Variants in ABCA12 observed in about 807,000 individuals in gnomAD.
The protein encoded by ABCA12 is glucosylceramide transporter ABCA12.
A neutral mutation model predicts 293.5 loss-of-function variants in ABCA12; 156 were observed. The ratio of observed to expected loss-of-function variants is 0.53; its 90% CI spans 0.47 to 0.61. The LOEUF (loss-of-function observed/expected upper bound fraction) is 0.61, where lower values mean the gene tolerates loss of function less well. Among genes scored for constraint, ABCA12 ranks in the 20% least tolerant of loss-of-function variants. The pLI is 0.00. For synonymous variants in ABCA12, 1,063 were observed against 1,108.0 expected (o/e 0.96, Z 0.81); for missense variants, 2,797 against 3,090.2 (o/e 0.91, Z 2.25).
At position 214,990,833 on chromosome 2, in the gene ABCA12, TAAGATAGCTCATGGCAATA is replaced by T; in HGVS notation, c.3474_3492del (p.Ile1159SerfsTer13). ...TTGGTGTTGTTGAAGAAGACACTGA[TAAGATAGCTCATGGCAATA>T]ACCGAGAAGCTGTAGTCCGAAAAAT... is the stretch of plus-strand genomic sequence containing the variant. On this transcript the variant is annotated frameshift_variant, in exon 24 of 53. Transcript: ENST00000272895. LOFTEE classifies it high-confidence loss of function. The T allele has an allele frequency of 6.2e-7, 1 of 1,614,092 alleles. No individual in the cohort carries two copies. The highest frequency in any genetic ancestry group is 8.5e-7 in the Non-Finnish European group (1 of 1,179,974).
intron 3 of ABCA12, among the ~76,000 whole-genome samples, chr2:215,063,586 A>C (rs1446490321): frequency 6.6e-6 from 1 of 151,690 alleles, no homozygotes; most frequent in Non-Finnish European, 1.5e-5. Flanking sequence ...AATTATGTAT[A>C]CTTTTAACTT....
chr2:215,004,275 G>T lies in ABCA12; in HGVS notation c.2617C>A (p.Gln873Lys). Residue 873 changes from glutamine (Q) to lysine (K), a missense_variant, in exon 20 of 53, where the codon CAA becomes AAA. This residue lies in a region of ABCA12 where 2,130 missense variants were observed against 2,427.0 expected (regional missense o/e 0.88). Transcript: ENST00000272895. ...LQNTLRNPFV[Q>K]VFVKFSVGLD... is the part of the protein sequence containing the mutation. The stretch of plus-strand genomic sequence containing the variant: ...CCCACGGAGAACTTTACAAAAACTT[G>T]CACAAAAGGGTTCCTTAGAGTATTC... 6.2e-7 allele frequency: 1 copy of T among 1,613,284 alleles called. No individual in the cohort carries two copies. Among genetic ancestry groups the T allele is most frequent in the South Asian group, 1.1e-5 (1 of 91,046 alleles).
intron 2 of ABCA12, among the ~76,000 whole-genome samples, chr2:215,088,799 G>T (rs1702086815): frequency 6.6e-6 from 1 of 152,152 alleles, no homozygotes; most frequent in South Asian, 2.1e-4. Context: ...TTAAGATCGT[G>T]CATTTGTCAT....
At chr2:215,021,903 A>G (rs1700638364) in intron 11 of ABCA12, 1 of 152,198 alleles carries the variant, frequency 6.6e-6, no homozygotes, top group Non-Finnish European at 1.5e-5. Context: ...ATAGGTTTAT[A>G]TGTACAAAAA....
chr2:215,128,241 A>C (rs1702971160), intron 1 of ABCA12, among the ~76,000 whole-genome samples: 1 of 152,122 alleles, frequency 6.6e-6, no homozygotes, highest in Non-Finnish European at 1.5e-5. Context: ...TCTTTCCTTC[A>C]TCTTAATTTT....
chr2:214,982,324 C>T lies in ABCA12; in HGVS notation c.4442G>A (p.Gly1481Glu). The T allele has an allele frequency of 6.2e-7, 1 of 1,614,124 alleles. No individual in the cohort carries two copies. Residue 1481 changes from glycine (G) to glutamate (E), a missense_variant, in exon 30 of 53, where the codon GGA (glycine) becomes GAA (glutamate). This residue lies in a region of ABCA12 where 2,130 missense variants were observed against 2,427.0 expected (regional missense o/e 0.88). Coordinates refer to ENST00000272895, the MANE Select transcript of ABCA12 (RefSeq NM_173076.3). ...HRHKRVGTLS[G>E]GMKRKLSISI... is the part of the protein sequence containing the mutation. ...TATAGATAACTTCCTCTTCATGCCT[C>T]CTGACAGTGTTCCAACTCTCTTATG...
At chr2:214,970,767 A>G (rs1280798364) in intron 36 of ABCA12, among the ~76,000 whole-genome samples, 1 of 152,144 alleles carries the variant, frequency 6.6e-6, no homozygotes, top group Non-Finnish European at 1.5e-5. Flanking sequence ...GGAAGGAAAA[A>G]AATATTTGCC....
At chr2:215,120,976 T>C (rs1702793834) in intron 1 of ABCA12, among the ~76,000 whole-genome samples, 1 of 152,232 alleles carries the variant, frequency 6.6e-6, no homozygotes, top group South Asian at 2.1e-4. Context: ...AGTGGTCTTC[T>C]TATAATTAAT....
intron 2 of ABCA12, among the ~76,000 whole-genome samples, chr2:215,100,683 C>T (rs942532562): frequency 2.0e-5 from 3 of 152,138 alleles, no homozygotes; most frequent in African/African-American, 2.4e-5. Context: ...ACAATTCCAT[C>T]GTAAGCAACT....
intron 2 of ABCA12, 114 bp from the exon 3 acceptor site, chr2:215,064,333 C>T (rs1446452513): frequency 3.6e-6 from 4 of 1,123,960 alleles, no homozygotes; most frequent in East Asian, 5.1e-5. Flanking sequence ...CTCTCCGGGT[C>T]CCCCAACTGA....
intron 1 of ABCA12, among the ~76,000 whole-genome samples, chr2:215,127,836 A>G (rs1702960626): frequency 6.6e-6 from 1 of 151,936 alleles, no homozygotes; most frequent in Non-Finnish European, 1.5e-5. Context: ...CTGTGCTTTT[A>G]ATTTCCTGTG....
At chr2:215,121,259 G>A (rs563111460) in intron 1 of ABCA12, among the ~76,000 whole-genome samples, 35 of 152,226 alleles carry the variant, frequency 2.3e-4, no homozygotes, top group African/African-American at 8.2e-4. Flanking sequence ...ACTACAAAAT[G>A]GATTACTGGC....
At chr2:214,990,374 T>A (rs1156453141) in intron 24 of ABCA12, among the ~76,000 whole-genome samples, 1 of 152,206 alleles carries the variant, frequency 6.6e-6, no homozygotes, top group Non-Finnish European at 1.5e-5. Flanking sequence ...ATTCCAATAC[T>A]AGAGGCTCCA....
chr2:215,022,484 T>C (rs1345106204), intron 11 of ABCA12: 1 of 152,236 alleles, frequency 6.6e-6, no homozygotes, highest in Non-Finnish European at 1.5e-5. Context: ...GCATTAAAGT[T>C]CTAGAAGCTT....
At chr2:214,980,156 T>C (rs771892374) in intron 31 of ABCA12, among the ~76,000 whole-genome samples, 1 of 152,200 alleles carries the variant, frequency 6.6e-6, no homozygotes, top group East Asian at 1.9e-4. Context: ...AACCTTAAGA[T>C]GTCAATCATT....
intron 48 of ABCA12, among the ~76,000 whole-genome samples, 153 bp from the exon 49 acceptor site, chr2:214,945,257 G>A (rs887861845): frequency 6.6e-6 from 1 of 152,096 alleles, no homozygotes; most frequent in Non-Finnish European, 1.5e-5. Context: ...TCTTTCTGCT[G>A]CTGTCAAAAA....
At chr2:215,040,625 A>T (rs947489540) in intron 7 of ABCA12, among the ~76,000 whole-genome samples, 42 of 152,166 alleles carry the variant, frequency 2.8e-4, no homozygotes, top group African/African-American at 1.0e-3. Context: ...CCTGGCCAAC[A>T]TGGTGAAACC....
At chr2:215,084,387 T>A (rs1702000591) in intron 2 of ABCA12, among the ~76,000 whole-genome samples, 1 of 152,164 alleles carries the variant, frequency 6.6e-6, no homozygotes, top group South Asian at 2.1e-4. Context: ...ATTTATCAAG[T>A]GGCAATCTGA....
chr2:215,042,288 G>C (rs955577031), intron 7 of ABCA12: 1 of 152,158 alleles, frequency 6.6e-6, no homozygotes, highest in Non-Finnish European at 1.5e-5. Flanking sequence ...CCAGGCCAGA[G>C]AGCACTGACA....
Sources: allele counts gnomAD v4.1 joint callset (sites outside exome capture counted in the v4.1 genomes callset), GRCh38; gene constraint gnomAD v4.1.1; regional missense constraint gnomAD v4.1.1; transcripts MANE v1.5; gene names NCBI Gene and HGNC (gene_info 2026-07-23, HGNC 2026-07-21).